The following ITGBL1 variants were observed in gnomAD, a reference collection of about 807,000 sequenced individuals.
ITGBL1 encodes integrin beta-like protein 1.
A neutral mutation model predicts 68.5 loss-of-function variants in ITGBL1; 51 were observed. The observed-to-expected ratio is 0.74, with a 90% confidence interval of 0.59 to 0.94. The LOEUF (loss-of-function observed/expected upper bound fraction) is 0.94, where lower values mean the gene tolerates loss of function less well. Ranked by LOEUF, ITGBL1 falls within the 40% of genes least tolerant of loss-of-function variation. The probability of loss-of-function intolerance (pLI) is 0.00; values close to 1 mark genes in which losing one functional copy is unlikely to be tolerated. For missense variants in ITGBL1, 649 were observed against 647.4 expected, an observed-to-expected ratio of 1.00 and a Z score of -0.03; for synonymous variants, 209 against 227.3, an observed-to-expected ratio of 0.92 and a Z score of 0.72.
intron 7 of ITGBL1, among the ~76,000 whole-genome samples, chr13:101,610,511 A>G (rs1242567898): frequency 6.6e-6 from 1 of 152,212 alleles, no homozygotes; most frequent in Non-Finnish European, 1.5e-5. Flanking sequence ...GATGTTGCTT[A>G]TCATAATCAA....
chr13:101,477,089 A>G (rs933949104), intron 2 of ITGBL1, among the ~76,000 whole-genome samples: 5 of 152,228 alleles, frequency 3.3e-5, no homozygotes, highest in African/African-American at 1.2e-4. Flanking sequence ...ACTATATGTT[A>G]GGCCACAAAA....
intron 2 of ITGBL1, among the ~76,000 whole-genome samples, chr13:101,531,585 C>A (rs1036823207): frequency 1.4e-5 from 2 of 142,308 alleles, no homozygotes; most frequent in African/African-American, 5.4e-5. Flanking sequence ...CACGCTACAC[C>A]CGATTACTTC....
At chr13:101,531,525 T>C (rs2049475093) in intron 2 of ITGBL1, among the ~76,000 whole-genome samples, 1 of 151,418 alleles carries the variant, frequency 6.6e-6, no homozygotes, top group African/African-American at 2.4e-5. Context: ...TTTTGCAGAA[T>C]TGGAAGTAAG....
intron 2 of ITGBL1, among the ~76,000 whole-genome samples, chr13:101,473,642 G>A (rs2048494037): frequency 6.6e-6 from 1 of 152,164 alleles, no homozygotes; most frequent in African/African-American, 2.4e-5. Flanking sequence ...AGTGGATGTG[G>A]GATGCATGTG....
intron 1 of ITGBL1, among the ~76,000 whole-genome samples, chr13:101,453,140 C>G (rs1006850241): frequency 2.0e-5 from 3 of 152,194 alleles, no homozygotes; most frequent in African/African-American, 7.2e-5. Context: ...AAAATGCAAT[C>G]ATTGAATAAA....
intron 7 of ITGBL1, among the ~76,000 whole-genome samples, chr13:101,608,084 TG>T (rs1566755898): frequency 6.6e-6 from 1 of 152,064 alleles, no homozygotes; most frequent in African/African-American, 2.4e-5. Context: ...AGGTGTGAAA[TG>T]GGGGAAGAAT....
At chr13:101,508,971 CCAAACATAAATCA>C (rs2049070146) in intron 2 of ITGBL1, among the ~76,000 whole-genome samples, 1 of 151,980 alleles carries the variant, frequency 6.6e-6, no homozygotes, top group Admixed American at 6.6e-5. Context: ...GACTAAGGAA[CCAAACATAAATCA>C]CAAACAAAAA....
chr13:101,490,984 A>G (rs865955196), intron 2 of ITGBL1, among the ~76,000 whole-genome samples: 59 of 152,310 alleles, frequency 3.9e-4, no homozygotes, highest in African/African-American at 1.4e-3. Context: ...GTGGTGTGAC[A>G]CACATTGTGT....
In ITGBL1 at chr13:101,467,822, C is replaced by G. The variant is rs534312962; in HGVS notation, c.316+13722C>G. ...ATTATTTAAAGTGAATACCTACCCACTCTAGTTTCCTGTTCTGTTATTTTA... is the reference window on the plus strand; with the variant it reads ...ATTATTTAAAGTGAATACCTACCCAGTCTAGTTTCCTGTTCTGTTATTTTA... On this transcript the variant is annotated intron_variant, in intron 2 of 10. Coordinates refer to ENST00000376180, the MANE Select transcript of ITGBL1 (RefSeq NM_004791.3). Among the ~76,000 whole-genome samples the G allele has an allele frequency of 7.2e-4, 109 of 152,260 alleles. 2 individuals are homozygous for G. Among genetic ancestry groups the G allele is most frequent in the African/African-American group, 2.6e-3 (106 of 41,542 alleles).
At chr13:101,475,286 G>A (rs7491675) in intron 2 of ITGBL1, among the ~76,000 whole-genome samples, 21,658 of 152,054 alleles carry the variant, frequency 0.14, 2,055 homozygotes, top group East Asian at 0.43. Context: ...GAAAAATTCA[G>A]TTGACATACT....
At chr13:101,715,312 G>C (rs1594010091) in intron 10 of ITGBL1, 1 of 414,574 alleles carries the variant, frequency 2.4e-6, no homozygotes, top group Non-Finnish European at 4.4e-6. Context: ...TAAAAGCCTA[G>C]CTGGAGTGAT....
chr13:101,589,624 T>C (rs1239960380), intron 6 of ITGBL1, among the ~76,000 whole-genome samples: 5 of 152,230 alleles, frequency 3.3e-5, no homozygotes, highest in Non-Finnish European at 7.3e-5. Flanking sequence ...CTTTCCTGTT[T>C]AGGGCTAAGG....
chr13:101,655,340 C>T (rs1299134097), intron 7 of ITGBL1, among the ~76,000 whole-genome samples: 2 of 152,278 alleles, frequency 1.3e-5, no homozygotes, highest in East Asian at 3.9e-4. Flanking sequence ...AGTTGCCAGA[C>T]ATGCACATTT....
At chr13:101,570,678 A>G (rs2050257997) in intron 3 of ITGBL1, among the ~76,000 whole-genome samples, 1 of 152,166 alleles carries the variant, frequency 6.6e-6, no homozygotes. Flanking sequence ...GAACAGAAAA[A>G]GAAAGCAAAG....
At chr13:101,609,122 A>T (rs2031010685) in intron 7 of ITGBL1, among the ~76,000 whole-genome samples, 1 of 152,108 alleles carries the variant, frequency 6.6e-6, no homozygotes, top group South Asian at 2.1e-4. Context: ...ATATGTAGAA[A>T]TAGAAGAGCC....
At chr13:101,611,378 A>G (rs866396553) in intron 7 of ITGBL1, among the ~76,000 whole-genome samples, 1 of 152,178 alleles carries the variant, frequency 6.6e-6, no homozygotes, top group African/African-American at 2.4e-5. Flanking sequence ...ACCTCGTATC[A>G]TGTTTACTTA....
intron 7 of ITGBL1, among the ~76,000 whole-genome samples, chr13:101,643,073 T>C (rs1427662428): frequency 2.0e-5 from 3 of 149,354 alleles, no homozygotes; most frequent in Admixed American, 6.7e-5. Flanking sequence ...ATATGAACTT[T>C]AAAGTAGTTT....
intron 7 of ITGBL1, among the ~76,000 whole-genome samples, chr13:101,674,651 A>G (rs1298980924): frequency 6.6e-6 from 1 of 151,992 alleles, no homozygotes; most frequent in East Asian, 1.9e-4. Context: ...TTAAAATGAT[A>G]AAGCAACCCT....
chr13:101,510,856 T>A (rs1224806028), intron 2 of ITGBL1, among the ~76,000 whole-genome samples: 1 of 152,074 alleles, frequency 6.6e-6, no homozygotes, highest in Non-Finnish European at 1.5e-5. Context: ...GTTTTATGCT[T>A]GTTAATTTGT....
Sources: gnomAD v4.1 joint callset for allele counts (sites outside exome capture counted in the v4.1 genomes callset) on GRCh38, gnomAD v4.1.1 for gene constraint, MANE v1.5 for transcripts, NCBI Gene and HGNC (gene_info 2026-07-23, HGNC 2026-07-21) for gene names.